RYR1: variants seen among roughly 807,000 people sequenced by gnomAD.
RYR1 encodes the protein central core disease of muscle.
Under a neutral mutation model 583.5 loss-of-function variants are expected in RYR1, and 342 were observed. The ratio of observed to expected loss-of-function variants is 0.59; its 90% confidence interval spans 0.54 to 0.64. The LOEUF is 0.64. RYR1 is among the 30% of genes least tolerant of loss of function. The pLI, the probability that RYR1 is intolerant of heterozygous loss-of-function variation, is 0.00. For synonymous variants in RYR1, 2,791 were observed against 2,822.5 expected (o/e 0.99, Z 0.35); for missense variants, 6,032 against 6,917.2 (o/e 0.87, Z 4.54).
intron 75 of RYR1, 115 bp downstream of exon 75, chr19:38,528,810 C>T (rs546026963): frequency 3.9e-4 from 554 of 1,430,896 alleles, no homozygotes; most frequent in Non-Finnish European, 5.0e-4. Flanking sequence ...ATAGAAATGC[C>T]AGCTCCTGGC....
intron 70 of RYR1, 63 bp from the exon 71 acceptor site, chr19:38,525,269 G>A: frequency 1.2e-6 from 2 of 1,605,158 alleles, no homozygotes; most frequent in Non-Finnish European, 1.7e-6. Context: ...GATGATGGCC[G>A]CGGGTTGGGG....
Position 38,460,541 on chromosome 19 carries a change from C to A in RYR1, c.2527C>A (p.Arg843Ser). ...PRGPHLVGPS[R>S]CLSHTDFVPC... Reference sequence around the variant, plus strand: ...GGGGCCTCACCTGGTGGGCCCCAGTCGCTGCCTCTCACACACCGACTTCGT... The same window carrying A: ...GGGGCCTCACCTGGTGGGCCCCAGTAGCTGCCTCTCACACACCGACTTCGT... Residue 843 changes from arginine to serine, a missense_variant, in exon 20 of 106, where the codon CGC becomes AGC. Physicochemically the swap from Arg to Ser is moderately radical, Grantham distance 110 (BLOSUM62 -1). Transcript: ENST00000359596. The A allele has an allele frequency of 6.2e-7, 1 of 1,613,956 alleles. No individual in the cohort carries two copies. Among genetic ancestry groups the A allele is most frequent in the Non-Finnish European group, 8.5e-7 (1 of 1,180,042 alleles).
At chr19:38,453,976 T>A (rs980843919) in intron 13 of RYR1, among the ~76,000 whole-genome samples, 2 of 152,140 alleles carry the variant, frequency 1.3e-5, no homozygotes, top group Admixed American at 6.5e-5. Context: ...GCTCTCCACT[T>A]TGAGGCACTG....
At position 38,546,429 on chromosome 19, in the gene RYR1, G is replaced by A. The variant is rs954863208; in HGVS notation, c.12013-16G>A. ...GTGTATGCTGAGACCAGCCCTCACCGAGCTGGGATCTCTAGGACTCAAGCC... is the reference window on the plus strand; with the variant it reads ...GTGTATGCTGAGACCAGCCCTCACCAAGCTGGGATCTCTAGGACTCAAGCC... On this transcript the variant is annotated splice_polypyrimidine_tract_variant and intron_variant, in intron 87 of 105. Transcript: ENST00000359596. 1.2e-5 allele frequency: 19 copies of A among 1,612,506 alleles called. 1 individual carries two copies. The Middle Eastern group carries it at 4.9e-4, about 42-fold the overall frequency.
chr19:38,505,546 A>G (rs1377590066), intron 53 of RYR1, 148 bp downstream of exon 53: 1 of 778,500 alleles, frequency 1.3e-6, no homozygotes, highest in African/African-American at 1.7e-5. Context: ...CCTTCTCTCA[A>G]ACTTGGTAGA....
intron 69 of RYR1, 103 bp downstream of exon 69, chr19:38,523,412 C>T: frequency 7.5e-7 from 1 of 1,332,464 alleles, no homozygotes; most frequent in Non-Finnish European, 1.1e-6. Context: ...GTCCTGGGCG[C>T]AATCCCTGCA....
In RYR1 at chr19:38,473,474, T is replaced by C; in HGVS notation, c.3863T>C (p.Leu1288Pro). The stretch of plus-strand genomic sequence containing the variant: ...AACAGCCTGGTGGAGATGCTTTTCC[T>C]GCGGCTGAGCCTCCCAGTCCAGTTC... ...SQNSLVEMLF[L>P]RLSLPVQFHQ... The change falls in exon 28 of 106, where the codon CTG (leucine) becomes CCG (proline). Residue 1288 changes from leucine to proline, a missense_variant. Leu to Pro is a moderately conservative substitution (Grantham distance 98). Transcript: ENST00000359596. 2 of 1,613,858 alleles carry C rather than the reference T, an allele frequency of 1.2e-6. No homozygotes were observed. The highest frequency in any genetic ancestry group is 1.7e-6 in the Non-Finnish European group (2 of 1,179,926).
At chr19:38,544,206 T>C (rs1175022125) in intron 87 of RYR1, among the ~76,000 whole-genome samples, 1 of 152,206 alleles carries the variant, frequency 6.6e-6, no homozygotes, top group African/African-American at 2.4e-5. Flanking sequence ...TGGACAGTCC[T>C]TGGGCTAGGA....
At chr19:38,576,677 G>T (rs1194183811) in intron 97 of RYR1, among the ~76,000 whole-genome samples, 1 of 151,828 alleles carries the variant, frequency 6.6e-6, no homozygotes, top group Non-Finnish European at 1.5e-5. Context: ...CTGGGCACCT[G>T]TAATCCCAGC....
chr19:38,474,355 C>T (rs751881034), intron 28 of RYR1, among the ~76,000 whole-genome samples: 7 of 151,846 alleles, frequency 4.6e-5, no homozygotes, highest in Non-Finnish European at 7.4e-5. Context: ...CTCCACCTCC[C>T]GGGTTCAAGC....
intron 72 of RYR1, 104 bp from the exon 73 acceptor site, chr19:38,527,543 A>G: frequency 6.9e-6 from 10 of 1,442,088 alleles, no homozygotes; most frequent in South Asian, 6.0e-5. Flanking sequence ...AAAGGCCTCA[A>G]CATGCACTCA....
chr19:38,570,617 C>T lies in RYR1; in HGVS notation c.13670C>T (p.Ser4557Phe), dbSNP rs1973672468. ...VQRVKFLNYL[S>F]RNFYTLRFLA... is the part of the protein sequence containing the mutation. ...TCTCTTCTCTCTCAGAACTACCTGT[C>T]CCGGAACTTTTACACCCTGCGGTTC... The change falls in exon 94 of 106, where the codon TCC becomes TTC. Residue 4557 changes from serine to phenylalanine, a missense_variant. Ser to Phe is a radical substitution (Grantham distance 155). Around this residue, in one of 11 missense-constraint regions of RYR1, gnomAD observed 753 missense variants for 759.6 expected, o/e 0.99. Coordinates refer to ENST00000359596, the MANE Select transcript of RYR1 (RefSeq NM_000540.3). 6.2e-7 allele frequency: 1 copy of T among 1,613,806 alleles called. No individual in the cohort carries two copies. The highest frequency in any genetic ancestry group is 1.7e-5 in the Admixed American group (1 of 60,018).
Position 38,503,029 on chromosome 19 carries a change from C to T in RYR1, c.7926+59C>T, listed in dbSNP as rs187540439. ...AGGCCGCACCCACTGGTTTGCTCTT[C>T]CCTCCTACTGCGGGGCTCATTTGTG... On this transcript the variant is annotated intron_variant, in intron 49 of 105. Transcript: ENST00000359596. 1.6e-5 allele frequency: 24 copies of T among 1,539,830 alleles called. 1 individual carries two copies. In the East Asian group the frequency reaches 4.7e-4, roughly 30 times the overall value.
chr19:38,477,901 A>C, intron 30 of RYR1, 31 bp downstream of exon 30: 15 of 599,838 alleles, frequency 2.5e-5, no homozygotes, highest in African/African-American at 4.5e-5. Flanking sequence ...TGGGAGGTGC[A>C]GGGTGGGGAG....
rs201861807 is a variant in RYR1 at position 38,523,876 on chromosome 19, G to T, written c.10441-39G>T. 145 of 1,613,986 alleles carry T rather than the reference G, an allele frequency of 9.0e-5. 1 individual carries two copies. In the East Asian group the frequency reaches 2.9e-3, roughly 33 times the overall value. On this transcript the variant is annotated intron_variant, in intron 69 of 105. Transcript: ENST00000359596. ...GCCTGGGCTTCTCTGCGGGGCTGGGGTAACCCTTCTTGTCTCTGTCTGCGG... is the reference window on the plus strand; with the variant it reads ...GCCTGGGCTTCTCTGCGGGGCTGGGTTAACCCTTCTTGTCTCTGTCTGCGG...
chr19:38,490,172 G>T lies in RYR1; in HGVS notation c.5911G>T (p.Ala1971Ser). ...GGAGCGCTATGTGGACAAGCTCCAG[G>T]CCAACCAGCGGAGCCGCTATGGCCT... is the stretch of plus-strand genomic sequence containing the variant. ...FAERYVDKLQ[A>S]NQRSRYGLLI... Residue 1971 changes from alanine to serine, a missense_variant, in exon 36 of 106, where the codon GCC (alanine) becomes TCC (serine). Physicochemically the swap from Ala to Ser is moderately conservative, Grantham distance 99. Transcript: ENST00000359596. 6.2e-7 allele frequency: 1 copy of T among 1,614,216 alleles called. No individual in the cohort carries two copies. Among genetic ancestry groups the T allele is most frequent in the Non-Finnish European group, 8.5e-7 (1 of 1,180,040 alleles).
chr19:38,457,575 T>C lies in RYR1; in HGVS notation c.1870T>C (p.Leu624=). Residue 624 remains leucine (L), a synonymous_variant, in exon 17 of 106, where the codon TTG becomes CTG. Coordinates refer to ENST00000359596, the MANE Select transcript of RYR1 (RefSeq NM_000540.3). The part of the protein sequence containing the change: ...RSNQDLITEN[L]LPGRELLLQT... Reference sequence around the variant, plus strand: ...CAACCAAGATCTTATTACTGAGAACTTGCTGCCTGGCCGTGAGCTTCTGCT... The same window carrying C: ...CAACCAAGATCTTATTACTGAGAACCTGCTGCCTGGCCGTGAGCTTCTGCT... 6.2e-7 allele frequency: 1 copy of C among 1,614,190 alleles called. No individual in the cohort carries two copies. The highest frequency in any genetic ancestry group is 1.7e-5 in the Admixed American group (1 of 60,010).
chr19:38,469,198 C>T, intron 26 of RYR1, 58 bp downstream of exon 26: 1 of 1,609,818 alleles, frequency 6.2e-7, no homozygotes, highest in Non-Finnish European at 8.5e-7. Flanking sequence ...TCTCCCAACC[C>T]TGCACTGCCC....
intron 29 of RYR1, among the ~76,000 whole-genome samples, chr19:38,475,920 A>T (rs1441105025): frequency 6.6e-6 from 1 of 152,272 alleles, no homozygotes; most frequent in Non-Finnish European, 1.5e-5. Context: ...GGCACCAGGG[A>T]TCAATTTTGT....
Sources: gnomAD v4.1 joint callset for allele counts (sites outside exome capture counted in the v4.1 genomes callset) on GRCh38, gnomAD v4.1.1 for gene constraint, gnomAD v4.1.1 regional missense constraint, MANE v1.5 for transcripts, NCBI Gene and HGNC (gene_info 2026-07-23, HGNC 2026-07-21) for gene names.